Variants in SOX6 observed in about 807,000 individuals in gnomAD.
The protein encoded by SOX6 is transcription factor SOX-6.
SOX6 carries 11 observed loss-of-function variants against 97.8 expected under a neutral mutation model. That is an observed-to-expected ratio of 0.11 (90% CI 0.07 to 0.19). SOX6 has a LOEUF of 0.19. Ranked by LOEUF, SOX6 falls within the 10% of genes least tolerant of loss-of-function variation. The probability of loss-of-function intolerance (pLI) is 1.00; values close to 1 mark genes in which losing one functional copy is unlikely to be tolerated. For missense variants in SOX6, 810 were observed against 1,039.5 expected, an observed-to-expected ratio of 0.78 and a Z score of 3.04; for synonymous variants, 360 against 371.4, an observed-to-expected ratio of 0.97 and a Z score of 0.35.
intron 3 of SOX6, among the ~76,000 whole-genome samples, chr11:16,707,914 T>C (rs1848149486): frequency 6.6e-6 from 1 of 152,138 alleles, no homozygotes; most frequent in Non-Finnish European, 1.5e-5. Flanking sequence ...CTGAATCTAA[T>C]ATCAAAACAA....
At chr11:16,378,793 T>A (rs574933907) in intron 1 of SOX6, among the ~76,000 whole-genome samples, 1 of 152,136 alleles carries the variant, frequency 6.6e-6, no homozygotes, top group African/African-American at 2.4e-5. Flanking sequence ...AAATTTTAAT[T>A]AGACAAAATG....
At chr11:16,169,010 G>A (rs1850961708) in intron 6 of SOX6, among the ~76,000 whole-genome samples, 1 of 152,052 alleles carries the variant, frequency 6.6e-6, no homozygotes, top group Admixed American at 6.6e-5. Context: ...CTGACTTTGT[G>A]CCAAACTTCC....
rs932333509 is a variant in SOX6, at chr11:16,418,276, A to G, written c.-5+58039T>C. 2.6e-5 allele frequency among the ~76,000 whole-genome samples: 4 copies of G among 152,340 alleles called. 1 individual carries two copies. Among genetic ancestry groups the G allele is most frequent in the Middle Eastern group, 6.8e-3 (2 of 294 alleles). Reference sequence around the variant, plus strand: ...TAAAATAACTAATTTTTTAAAAGTGATATGGTAATCATCATTAGTTCATTT... The same window carrying G: ...TAAAATAACTAATTTTTTAAAAGTGGTATGGTAATCATCATTAGTTCATTT... On this transcript the variant is annotated intron_variant, in intron 1 of 15. Coordinates refer to the SOX6 transcript ENST00000396356.
intron 4 of SOX6, among the ~76,000 whole-genome samples, chr11:16,570,134 T>G (rs1366553551): frequency 6.6e-6 from 1 of 152,140 alleles, no homozygotes; most frequent in Non-Finnish European, 1.5e-5. Flanking sequence ...CTCTGATTCC[T>G]ATGACTGAAT....
chr11:16,134,918 T>A (rs1849922867), intron 6 of SOX6, among the ~76,000 whole-genome samples: 1 of 152,226 alleles, frequency 6.6e-6, no homozygotes, highest in Non-Finnish European at 1.5e-5. Context: ...AAGAAGTCAA[T>A]GCCTGGCTTC....
chr11:16,576,759 C>A (rs1341607059), intron 4 of SOX6: 1 of 152,064 alleles, frequency 6.6e-6, no homozygotes, highest in Non-Finnish European at 1.5e-5. Flanking sequence ...GGTCTTTATC[C>A]TCATTTAATA....
At position 16,607,855 on chromosome 11, in the gene SOX6, G is replaced by C. The variant is rs1848353935; in HGVS notation, n.609+4226C>G. The C allele has an allele frequency of 6.5e-6, 1 of 153,072 alleles. No individual in the cohort carries two copies. The highest frequency in any genetic ancestry group is 2.1e-4 in the South Asian group (1 of 4,834). The allele number at this position is 153,072 out of a possible 1,614,324, so 9.5% of individuals were successfully genotyped here. ...TGAGACAAGAGGCGAGGGAGGCAGC[G>C]AGCCAGGCAGAGAAGCTGGGAGGGA... On this transcript the variant is annotated intron_variant and non_coding_transcript_variant, in intron 4 of 5. Coordinates refer to the SOX6 transcript ENST00000524520. The surrounding 1 kb of genome is among the most constrained non-coding windows in gnomAD (Gnocchi z 6.5).
chr11:16,306,845 C>T (rs1433240598), intron 3 of SOX6, among the ~76,000 whole-genome samples: 2 of 151,980 alleles, frequency 1.3e-5, no homozygotes, highest in Middle Eastern at 3.4e-3. Flanking sequence ...AGGATGGTCT[C>T]GATCTCCTGA....
chr11:16,519,414 C>T (rs1279353339), intron 4 of SOX6, among the ~76,000 whole-genome samples: 1 of 152,104 alleles, frequency 6.6e-6, no homozygotes, highest in African/African-American at 2.4e-5. Flanking sequence ...ATGTACTCAT[C>T]ATTTTGATCC....
intron 9 of SOX6, among the ~76,000 whole-genome samples, chr11:16,089,103 T>C (rs1338645146): frequency 6.6e-6 from 1 of 152,122 alleles, no homozygotes; most frequent in African/African-American, 2.4e-5. Flanking sequence ...CAATGCAGTT[T>C]ATTGGAAATT....
At chr11:16,581,347 A>T (rs541536385) in intron 4 of SOX6, among the ~76,000 whole-genome samples, 1 of 152,250 alleles carries the variant, frequency 6.6e-6, no homozygotes, top group African/African-American at 2.4e-5. Context: ...TGAACACAGG[A>T]ACAGAAAACC....
intron 1 of SOX6, among the ~76,000 whole-genome samples, chr11:16,351,494 A>G (rs1164282218): frequency 6.6e-6 from 1 of 152,034 alleles, no homozygotes; most frequent in Non-Finnish European, 1.5e-5. Flanking sequence ...TACTCCCTTC[A>G]TCAAGCCACT....
intron 9 of SOX6, among the ~76,000 whole-genome samples, chr11:16,089,766 T>TA (rs1269623061): frequency 2.0e-5 from 3 of 152,162 alleles, no homozygotes; most frequent in African/African-American, 7.2e-5. Flanking sequence ...TAAAATATCG[T>TA]AAAAAATGTC....
chr11:16,326,177 T>A (rs1428481312), intron 2 of SOX6, among the ~76,000 whole-genome samples: 1 of 152,212 alleles, frequency 6.6e-6, no homozygotes, highest in Non-Finnish European at 1.5e-5. Flanking sequence ...TCCTCTTCCA[T>A]GTGAGAGTTG....
At chr11:16,071,936 A>G (rs373634730) in intron 9 of SOX6, among the ~76,000 whole-genome samples, 33 of 152,164 alleles carry the variant, frequency 2.2e-4, no homozygotes, top group African/African-American at 6.5e-4. Flanking sequence ...AAAAACATTC[A>G]AAGGATAGCA....
At chr11:16,480,486 T>C (rs765828914), upstream of SOX6, among the ~76,000 whole-genome samples, 1 of 152,104 alleles carries the variant, frequency 6.6e-6, no homozygotes. Flanking sequence ...CACAAAAGCA[T>C]GTCCCACTCT....
At chr11:15,998,754 A>T (rs953464110) in intron 13 of SOX6, among the ~76,000 whole-genome samples, 1 of 152,166 alleles carries the variant, frequency 6.6e-6, no homozygotes, top group African/African-American at 2.4e-5. Flanking sequence ...TGCATCTTGT[A>T]TCACACATTA....
At chr11:16,256,263 C>G (rs1284655601) in intron 3 of SOX6, among the ~76,000 whole-genome samples, 1 of 151,886 alleles carries the variant, frequency 6.6e-6, no homozygotes, top group East Asian at 1.9e-4. Context: ...AAAAACCATA[C>G]ATCAGTAACT....
At chr11:16,736,739 T>C (rs1022532172) in intron 1 of SOX6, among the ~76,000 whole-genome samples, 3 of 152,198 alleles carry the variant, frequency 2.0e-5, no homozygotes, top group Admixed American at 6.5e-5. Context: ...TGTAATTTCA[T>C]TGTAACTAAT....
Sources: gnomAD v4.1 joint callset for allele counts (sites outside exome capture counted in the v4.1 genomes callset) on GRCh38, gnomAD v4.1.1 for gene constraint, Gnocchi (gnomAD v3.1) non-coding constraint, MANE v1.5 for transcripts, NCBI Gene and HGNC (gene_info 2026-07-23, HGNC 2026-07-21) for gene names.